Variants in MTA3 observed in about 807,000 individuals in gnomAD.
MTA3 encodes the protein metastasis-associated protein MTA3.
Under a neutral mutation model 83.5 loss-of-function variants are expected in MTA3, and 34 were observed. The observed-to-expected ratio is 0.41, with a 90% CI of 0.31 to 0.54. The LOEUF (loss-of-function observed/expected upper bound fraction) is 0.54. Among genes scored for constraint, MTA3 ranks in the 20% least tolerant of loss-of-function variants. MTA3 has a pLI of 0.33. For missense variants in MTA3, 761 were observed against 726.4 expected, an observed-to-expected ratio of 1.05 and a Z score of -0.55; for synonymous variants, 303 against 252.7, an observed-to-expected ratio of 1.20 and a Z score of -1.89.
intron 2 of MTA3, chr2:42,533,566 G>T (rs1337450317): frequency 6.4e-5 from 9 of 141,270 alleles, no homozygotes; most frequent in Admixed American, 5.0e-4. Flanking sequence ...TGGCGCAGTG[G>T]CTCACGCCTG....
chr2:42,746,034 G>A (rs374758544), intron 16 of MTA3, among the ~76,000 whole-genome samples: 82 of 151,364 alleles, frequency 5.4e-4, no homozygotes, highest in African/African-American at 1.8e-3. Context: ...GGATGGTCTC[G>A]ATCTCCTGAC....
intron 4 of MTA3, among the ~76,000 whole-genome samples, chr2:42,624,472 C>T (rs917221392): frequency 6.6e-6 from 1 of 152,030 alleles, no homozygotes; most frequent in African/African-American, 2.4e-5. Flanking sequence ...AGGTGCCTGC[C>T]ACCACACCCA....
intron 2 of MTA3, among the ~76,000 whole-genome samples, chr2:42,562,838 C>T (rs1420238696): frequency 6.6e-6 from 1 of 152,200 alleles, no homozygotes; most frequent in Admixed American, 6.5e-5. Context: ...AAAGAGAAGA[C>T]ATCTACCTGG....
intron 3 of MTA3, among the ~76,000 whole-genome samples, chr2:42,607,165 A>T (rs578167145): frequency 1.2e-4 from 18 of 152,150 alleles, no homozygotes; most frequent in Non-Finnish European, 2.5e-4. Flanking sequence ...GTTCACTTTT[A>T]CCCCGCAAGT....
intron 12 of MTA3, among the ~76,000 whole-genome samples, chr2:42,704,971 C>T (rs574064180): frequency 3.3e-5 from 5 of 152,244 alleles, no homozygotes; most frequent in South Asian, 2.1e-4. Flanking sequence ...GTGATATTAT[C>T]ATCTATGTTT....
chr2:42,621,387 C>T lies in MTA3; in HGVS notation c.317+11803C>T, dbSNP rs552143618. ...GTTTAACAAAGCACATCTTGCACCGCCATTAATCCATTTAACCCTGAGTGG... is the reference window on the plus strand; with the variant it reads ...GTTTAACAAAGCACATCTTGCACCGTCATTAATCCATTTAACCCTGAGTGG... On this transcript the variant is annotated intron_variant, in intron 4 of 16. Coordinates refer to ENST00000405094, the MANE Select transcript of MTA3 (RefSeq NM_001330442.2). 1.4e-4 allele frequency among the ~76,000 whole-genome samples: 21 copies of T among 152,262 alleles called. No homozygotes were observed. In the East Asian group the frequency reaches 3.7e-3, roughly 27 times the overall value.
chr2:42,531,445 C>CTTTTTTTTTTTT (rs10659582), intron 2 of MTA3, among the ~76,000 whole-genome samples: 19 of 75,356 alleles, frequency 2.5e-4, no homozygotes, highest in East Asian at 8.8e-4. Flanking sequence ...GAAGCAAACT[C>CTTTTTTTTTTTT]TTTTTTTTTT....
intron 2 of MTA3, among the ~76,000 whole-genome samples, chr2:42,545,534 G>C (rs1291776521): frequency 1.3e-5 from 2 of 152,152 alleles, no homozygotes; most frequent in Admixed American, 6.6e-5. Context: ...TAGAATCAAT[G>C]AGTTGGAGTT....
chr2:42,624,672 A>G (rs1685907588), intron 4 of MTA3, among the ~76,000 whole-genome samples: 1 of 152,146 alleles, frequency 6.6e-6, no homozygotes, highest in South Asian at 2.1e-4. Flanking sequence ...GAGCTTCTCA[A>G]CTTTGTCAGA....
chr2:42,646,784 C>T (rs1688229319), intron 6 of MTA3, among the ~76,000 whole-genome samples: 2 of 152,220 alleles, frequency 1.3e-5, no homozygotes, highest in Middle Eastern at 3.4e-3. Context: ...GTTGAAATGG[C>T]AACGAAGGAT....
chr2:42,701,291 CAAAA>C (rs35602598), intron 11 of MTA3, among the ~76,000 whole-genome samples: 1 of 69,796 alleles, frequency 1.4e-5, no homozygotes, highest in African/African-American at 6.4e-5. Flanking sequence ...GACCCTGCCT[CAAAA>C]AAAAAAAAAA....
At chr2:42,561,723 A>G (rs1051834738) in intron 2 of MTA3, among the ~76,000 whole-genome samples, 5 of 152,084 alleles carry the variant, frequency 3.3e-5, no homozygotes, top group African/African-American at 1.2e-4. Context: ...GGGATTGAGT[A>G]GGACTTAGAT....
chr2:42,704,358 G>T, intron 12 of MTA3, 40 bp downstream of exon 12: 1 of 1,610,866 alleles, frequency 6.2e-7, no homozygotes, highest in Non-Finnish European at 8.5e-7. Context: ...ATCGGGAACT[G>T]TTCTGGCTCA....
intron 1 of MTA3, among the ~76,000 whole-genome samples, chr2:42,569,066 A>AC (rs1217931266): frequency 4.0e-5 from 6 of 151,644 alleles, no homozygotes. Flanking sequence ...CCTCCACGAA[A>AC]CCCTCATCGG....
intron 9 of MTA3, among the ~76,000 whole-genome samples, chr2:42,689,773 CTTTTTT>C (rs1222011840): frequency 8.4e-6 from 1 of 118,524 alleles, no homozygotes; most frequent in African/African-American, 3.1e-5. Flanking sequence ...TAATTTGTGT[CTTTTTT>C]TTTTTTTCTT....
At chr2:42,622,120 G>A (rs1475462642) in intron 4 of MTA3, among the ~76,000 whole-genome samples, 1 of 152,242 alleles carries the variant, frequency 6.6e-6, no homozygotes, top group East Asian at 1.9e-4. Context: ...GCAACATTGA[G>A]CACTGAGTGA....
intron 6 of MTA3, among the ~76,000 whole-genome samples, chr2:42,646,510 T>C (rs1201137671): frequency 6.6e-6 from 1 of 152,196 alleles, no homozygotes; most frequent in Non-Finnish European, 1.5e-5. Flanking sequence ...ATATTAACAT[T>C]AAGAGGAGTT....
At chr2:42,748,843 T>C (rs749882894) in intron 16 of MTA3, among the ~76,000 whole-genome samples, 2 of 152,238 alleles carry the variant, frequency 1.3e-5, no homozygotes, top group Non-Finnish European at 2.9e-5. Context: ...AGTTTTGTTC[T>C]AGCAAGGAGT....
intron 4 of MTA3, among the ~76,000 whole-genome samples, chr2:42,623,965 C>T (rs1331570898): frequency 1.3e-5 from 2 of 152,236 alleles, no homozygotes; most frequent in South Asian, 2.1e-4. Context: ...CCACCCACCT[C>T]GGCCTCCCAA....
Sources: allele counts gnomAD v4.1 joint callset (sites outside exome capture counted in the v4.1 genomes callset), GRCh38; gene constraint gnomAD v4.1.1; transcripts MANE v1.5; gene names NCBI Gene and HGNC (gene_info 2026-07-23, HGNC 2026-07-21).